The following KCTD1 variants were observed in gnomAD, a reference collection of about 807,000 sequenced individuals.
KCTD1 encodes the protein potassium channel tetramerization domain containing 1.
Under a neutral mutation model 66.0 loss-of-function variants are expected in KCTD1, and 24 were observed. The ratio of observed to expected loss-of-function variants is 0.36; its 90% CI spans 0.26 to 0.51. The LOEUF (loss-of-function observed/expected upper bound fraction) is 0.51. KCTD1 is among the 20% of genes least tolerant of loss of function. The pLI, the probability that KCTD1 is intolerant of heterozygous loss-of-function variation, is 0.95. For synonymous variants in KCTD1, 511 were observed against 517.2 expected (o/e 0.99, Z 0.16); for missense variants, 943 against 1,205.2 (o/e 0.78, Z 3.22).
At chr18:26,528,797 C>A (rs187323607) in intron 1 of KCTD1, among the ~76,000 whole-genome samples, 1 of 152,300 alleles carries the variant, frequency 6.6e-6, no homozygotes, top group East Asian at 1.9e-4. Flanking sequence ...ACTCCCTTTG[C>A]CCCTGAAACT....
upstream of KCTD1, among the ~76,000 whole-genome samples, chr18:26,643,287 AACT>A (rs1987865524): frequency 6.6e-6 from 1 of 152,016 alleles, no homozygotes; most frequent in Admixed American, 6.6e-5. Flanking sequence ...TACCCTTACG[AACT>A]GGTAATTACT....
intron 3 of KCTD1, among the ~76,000 whole-genome samples, chr18:26,472,187 C>T (rs1023406906): frequency 5.3e-5 from 8 of 151,690 alleles, no homozygotes; most frequent in Non-Finnish European, 1.2e-4. Flanking sequence ...GTTTAAAGAG[C>T]GAATGAACTA....
Position 26,559,422 on chromosome 18 carries a change from C to T in KCTD1, c.-15-58172G>A, listed in dbSNP as rs186766375. On this transcript the variant is annotated intron_variant, in intron 1 of 4. Coordinates refer to the KCTD1 transcript ENST00000317932. The stretch of plus-strand genomic sequence containing the variant: ...AAAGAAAACAAGAAAAGAGAAGAAA[C>T]AGAGTGCTGGGTTCACCCTCAGAGT... Among the ~76,000 whole-genome samples the T allele has an allele frequency of 3.8e-3, 571 of 152,262 alleles. 1 individual carries two copies. The highest frequency in any genetic ancestry group is 5.7e-3 in the Non-Finnish European group (390 of 68,030).
chr18:26,470,666 C>T (rs151003415), intron 3 of KCTD1, among the ~76,000 whole-genome samples: 76 of 152,360 alleles, frequency 5.0e-4, no homozygotes, highest in Admixed American at 1.5e-3. Flanking sequence ...TTCCCACTCT[C>T]GTAGCTGGAA....
At chr18:26,479,321 C>T (rs1981507984) in intron 2 of KCTD1, among the ~76,000 whole-genome samples, 1 of 152,072 alleles carries the variant, frequency 6.6e-6, no homozygotes, top group Non-Finnish European at 1.5e-5. Flanking sequence ...GGAAACCTAG[C>T]CAGGGAATTT....
At chr18:26,479,186 C>T (rs1230989240) in intron 2 of KCTD1, among the ~76,000 whole-genome samples, 1 of 152,244 alleles carries the variant, frequency 6.6e-6, no homozygotes, top group African/African-American at 2.4e-5. Flanking sequence ...CCACGAATAA[C>T]CTAGAGGCCG....
intron 2 of KCTD1, among the ~76,000 whole-genome samples, chr18:26,482,844 G>A (rs772304791): frequency 7.2e-5 from 11 of 152,206 alleles, no homozygotes; most frequent in Non-Finnish European, 1.6e-4. Flanking sequence ...CCTGCTCAGG[G>A]GTGAGGCTGG....
At chr18:26,541,198 C>T (rs538303607) in intron 1 of KCTD1, among the ~76,000 whole-genome samples, 2 of 152,278 alleles carry the variant, frequency 1.3e-5, no homozygotes, top group South Asian at 2.1e-4. Flanking sequence ...GGATTAAACA[C>T]AACCAAAGTC....
chr18:26,474,880 GC>G (rs1981259660), intron 3 of KCTD1, among the ~76,000 whole-genome samples: 1 of 151,342 alleles, frequency 6.6e-6, no homozygotes, highest in South Asian at 2.1e-4. Flanking sequence ...TACTTTTATT[GC>G]CCTCGTTTTT....
intron 1 of KCTD1, among the ~76,000 whole-genome samples, chr18:26,524,525 T>A (rs952654418): frequency 1.3e-5 from 2 of 152,232 alleles, no homozygotes; most frequent in Non-Finnish European, 2.9e-5. Flanking sequence ...GGCTCAGGAA[T>A]CAGTATCCCA....
chr18:26,479,247 G>C (rs1981503489), intron 2 of KCTD1, among the ~76,000 whole-genome samples: 1 of 152,214 alleles, frequency 6.6e-6, no homozygotes. Flanking sequence ...CTCTTCAGGC[G>C]GCCTCCACCA....
At chr18:26,481,191 A>C (rs946644023) in intron 2 of KCTD1, among the ~76,000 whole-genome samples, 2 of 152,120 alleles carry the variant, frequency 1.3e-5, no homozygotes, top group Admixed American at 6.6e-5. Context: ...CTTTTGTGGA[A>C]TTTAAGTCGT....
chr18:26,487,233 A>G (rs1981966207), intron 2 of KCTD1, among the ~76,000 whole-genome samples: 1 of 152,240 alleles, frequency 6.6e-6, no homozygotes, highest in Non-Finnish European at 1.5e-5. Context: ...TAGGAAGCTT[A>G]AAAACACATT....
In KCTD1 at chr18:26,548,297, G is replaced by GTCCTCC. The variant is rs760825235; in HGVS notation, c.234_239dup (p.Glu78_Glu79dup). 13 of 1,477,696 alleles carry GTCCTCC rather than the reference G, an allele frequency of 8.8e-6. No individual in the cohort carries two copies. Among genetic ancestry groups the GTCCTCC allele is most frequent in the Non-Finnish European group, 1.2e-5 (13 of 1,114,172 alleles). 91.5% of individuals were successfully genotyped at this position (1,477,696 alleles called of 1,614,324 possible). A position where few individuals can be genotyped will look rare whatever the true frequency, so the allele number is the denominator to read the frequency against. On this transcript the variant is annotated inframe_insertion, in exon 1 of 5. Coordinates refer to ENST00000580059, the MANE Select transcript of KCTD1 (RefSeq NM_001142730.3). Reference sequence around the variant, plus strand: ...CGTCCTCCTCCAGCCCCCCACCTCCGTCCTCCTCCTCCTCCTCGTCCCCCG... The same window carrying GTCCTCC: ...CGTCCTCCTCCAGCCCCCCACCTCCGTCCTCCTCCTCCTCCTCCTCCTCGTCCCCCG...
intron 2 of KCTD1, among the ~76,000 whole-genome samples, chr18:26,481,340 G>A (rs574905787): frequency 6.6e-6 from 1 of 152,302 alleles, no homozygotes; most frequent in African/African-American, 2.4e-5. Flanking sequence ...TTGGAGACCT[G>A]AAGGAGAAGA....
intron 3 of KCTD1, among the ~76,000 whole-genome samples, chr18:26,472,409 A>C (rs1981118438): frequency 6.6e-6 from 1 of 152,138 alleles, no homozygotes; most frequent in South Asian, 2.1e-4. Flanking sequence ...ACTTTATTTA[A>C]AAATTATTTT....
intron 4 of KCTD1, chr18:26,459,206 C>CTGTT (rs1398032246): frequency 6.2e-6 from 1 of 161,868 alleles, no homozygotes; most frequent in African/African-American, 2.4e-5. Context: ...TTTATGTTGA[C>CTGTT]TGTTTGCCTC....
intron 1 of KCTD1, among the ~76,000 whole-genome samples, chr18:26,507,168 T>C (rs1466704720): frequency 6.6e-6 from 1 of 152,056 alleles, no homozygotes; most frequent in Admixed American, 6.6e-5. Context: ...TCCGTCTCAA[T>C]AATAATAGTA....
chr18:26,527,576 G>A (rs1002327323), intron 1 of KCTD1, among the ~76,000 whole-genome samples: 8 of 152,116 alleles, frequency 5.3e-5, no homozygotes, highest in African/African-American at 1.7e-4. Flanking sequence ...TACCATAATG[G>A]CAGAGACATG....
Sources: allele counts gnomAD v4.1 joint callset (sites outside exome capture counted in the v4.1 genomes callset), GRCh38; gene constraint gnomAD v4.1.1; transcripts MANE v1.5; gene names NCBI Gene and HGNC (gene_info 2026-07-23, HGNC 2026-07-21).